Variants in LONRF2 observed in about 807,000 individuals in gnomAD.
The protein encoded by LONRF2 is LON peptidase N-terminal domain and ring finger 2.
LONRF2 carries 35 observed loss-of-function variants against 66.6 expected under a neutral mutation model. The observed-to-expected ratio is 0.53, with a 90% CI of 0.40 to 0.70. The LOEUF is 0.70. Ranked by LOEUF, LONRF2 falls within the 30% of genes least tolerant of loss-of-function variation. The pLI is 0.00. For missense variants in LONRF2, 902 were observed against 1,002.1 expected (o/e 0.90, Z 1.35); for synonymous variants, 417 against 418.1 (o/e 1.00, Z 0.03).
intron 1 of LONRF2, among the ~76,000 whole-genome samples, chr2:100,314,116 A>G (rs1430229055): frequency 1.3e-5 from 2 of 152,098 alleles, no homozygotes; most frequent in African/African-American, 4.8e-5. Flanking sequence ...TTTATCTAGT[A>G]TATACTCAAA....
At chr2:100,293,534 T>C (rs977314951) in intron 9 of LONRF2, among the ~76,000 whole-genome samples, 2 of 152,094 alleles carry the variant, frequency 1.3e-5, no homozygotes, top group Admixed American at 6.5e-5. Context: ...CATGACTATG[T>C]AGGGCTGACA....
intron 1 of LONRF2, among the ~76,000 whole-genome samples, chr2:100,315,395 C>T (rs1160164924): frequency 6.6e-6 from 1 of 152,094 alleles, no homozygotes; most frequent in Non-Finnish European, 1.5e-5. Flanking sequence ...CAAATAATGA[C>T]AGTTTTTTGT....
intron 1 of LONRF2, among the ~76,000 whole-genome samples, chr2:100,312,463 T>C (rs1401727552): frequency 6.6e-6 from 1 of 152,250 alleles, no homozygotes; most frequent in Non-Finnish European, 1.5e-5. Context: ...TTCCTTTGCT[T>C]ATACTATCTT....
intron 1 of LONRF2, 76 bp downstream of exon 1, chr2:100,321,339 C>T (rs1559184814): frequency 1.6e-6 from 2 of 1,254,886 alleles, no homozygotes; most frequent in Admixed American, 4.1e-5. Context: ...AGCCTCGGGC[C>T]CACCGGCCAG....
chr2:100,293,904 T>C (rs1260600646), intron 9 of LONRF2, among the ~76,000 whole-genome samples: 1 of 152,022 alleles, frequency 6.6e-6, no homozygotes, highest in East Asian at 1.9e-4. Flanking sequence ...CCTCAGAAGT[T>C]GGACTAGATT....
At position 100,279,559 on chromosome 2, in the gene LONRF2, T is replaced by C. The variant is rs931544615; in HGVS notation, c.*4739A>G. The C allele has an allele frequency of 6.6e-6, 1 of 152,146 alleles. No homozygotes were observed. Among genetic ancestry groups the C allele is most frequent in the African/African-American group, 2.4e-5 (1 of 41,426 alleles). The allele number at this position is 152,146 out of a possible 1,614,324, so 9.4% of individuals were successfully genotyped here. ...AGCAGAGGACCAATTGTATTAATCA[T>C]GATTTCTATATTTTATGATATTTTG... is the stretch of plus-strand genomic sequence containing the variant. On this transcript the variant is annotated 3_prime_UTR_variant, in exon 12 of 12. Transcript: ENST00000393437.
Position 100,321,397 on chromosome 2 carries a change from G to C in LONRF2, c.679+18C>G. The C allele has an allele frequency of 1.4e-6, 2 of 1,416,962 alleles. No homozygotes were observed. Among genetic ancestry groups the C allele is most frequent in the Non-Finnish European group, 1.8e-6 (2 of 1,096,034 alleles). The allele number at this position is 1,416,962 out of a possible 1,614,324, so 87.8% of individuals were successfully genotyped here. On this transcript the variant is annotated intron_variant, in intron 1 of 11. Transcript: ENST00000393437. ...GGACAGGTGTAGGGGAGGCGGACCC[G>C]CCCCGCAGCCGACTCACCCAGCTCC...
rs199898661 is a variant in LONRF2 at position 100,316,335 on chromosome 2, A to G, written c.679+5080T>C. Among the ~76,000 whole-genome samples the G allele has an allele frequency of 3.6e-3, 413 of 113,372 alleles. 3 individuals carry two copies. The highest frequency in any genetic ancestry group is 0.016 in the African/African-American group (378 of 23,328). The allele number at this position is 113,372 out of a possible 152,430, so 74.4% of individuals were successfully genotyped here. ...CTCCATCTCAAAAAAAAAAAAAAAA[A>G]AAAGAAAGAAAATTTTCTAATAATT... On this transcript the variant is annotated intron_variant, in intron 1 of 11. Transcript: ENST00000393437.
At chr2:100,289,125 G>A (rs996979721) in intron 10 of LONRF2, among the ~76,000 whole-genome samples, 2 of 152,050 alleles carry the variant, frequency 1.3e-5, no homozygotes, top group African/African-American at 2.4e-5. Flanking sequence ...TACCAACCTA[G>A]AGAACAGGGA....
At position 100,321,769 on chromosome 2, in the gene LONRF2, G is replaced by T; in HGVS notation, c.325C>A (p.Arg109Ser). ...AGGLVRAVGLRDRPLSAENPG... is the reference protein window; with the variant it reads ...AGGLVRAVGLSDRPLSAENPG... Reference sequence around the variant, plus strand: ...TTCTCCGCGGACAGCGGCCGGTCGCGCAGGCCCACGGCGCGCACCAGGCCG... The same window carrying T: ...TTCTCCGCGGACAGCGGCCGGTCGCTCAGGCCCACGGCGCGCACCAGGCCG... Residue 109 changes from arginine to serine, a missense_variant, in exon 1 of 12, where the codon CGC becomes AGC. Arg to Ser is a moderately radical substitution (Grantham distance 110). This residue lies in a region of LONRF2 where 585 missense variants were observed against 569.9 expected (regional missense o/e 1.03). Transcript: ENST00000393437. 9.6e-7 allele frequency: 1 copy of T among 1,036,276 alleles called. No individual in the cohort carries two copies. The highest frequency in any genetic ancestry group is 1.2e-6 in the Non-Finnish European group (1 of 865,928). 64.2% of individuals were successfully genotyped at this position (1,036,276 alleles called of 1,614,324 possible).
intron 1 of LONRF2, among the ~76,000 whole-genome samples, chr2:100,313,335 A>C (rs565248087): frequency 6.6e-6 from 1 of 152,258 alleles, no homozygotes; most frequent in African/African-American, 2.4e-5. Context: ...TCTCTACTAA[A>C]AGTAAAAAAA....
intron 7 of LONRF2, 44 bp downstream of exon 7, chr2:100,298,792 G>T: frequency 7.0e-7 from 1 of 1,424,318 alleles, no homozygotes; most frequent in Non-Finnish European, 9.9e-7. Context: ...TCCACCAAGG[G>T]ATGAGAGGAG....
intron 2 of LONRF2, among the ~76,000 whole-genome samples, chr2:100,308,707 C>T (rs1675345918): frequency 6.6e-6 from 1 of 152,142 alleles, no homozygotes; most frequent in Admixed American, 6.5e-5. Flanking sequence ...TCACCAATAG[C>T]ATTGATTTGT....
chr2:100,274,106 A>T lies in LONRF2; in HGVS notation c.*10192T>A, dbSNP rs1674549183. ...AAGGTTAGAGATACTCATGTTGCAA[A>T]CTCCATCTTCATCCTTCAAAGGTCA... On this transcript the variant is annotated 3_prime_UTR_variant, in exon 12 of 12. Coordinates refer to ENST00000393437, the MANE Select transcript of LONRF2 (RefSeq NM_198461.4). 1 of 152,128 alleles carries T rather than the reference A, an allele frequency of 6.6e-6. No homozygotes were observed. Among genetic ancestry groups the T allele is most frequent in the South Asian group, 2.1e-4 (1 of 4,818 alleles). 9.4% of individuals were successfully genotyped at this position (152,128 alleles called of 1,614,324 possible).
chr2:100,293,621 C>T (rs1256668181), intron 9 of LONRF2, among the ~76,000 whole-genome samples: 2 of 152,228 alleles, frequency 1.3e-5, no homozygotes, highest in African/African-American at 2.4e-5. Context: ...TTGCAACACC[C>T]TCTCTGGACA....
chr2:100,292,338 G>A (rs554716954), intron 9 of LONRF2, among the ~76,000 whole-genome samples: 6 of 152,142 alleles, frequency 3.9e-5, no homozygotes, highest in Non-Finnish European at 8.8e-5. Flanking sequence ...AACTCCCTTC[G>A]TGAGTGCAGC....
At position 100,282,297 on chromosome 2, in the gene LONRF2, A is replaced by G. The variant is rs1476063793; in HGVS notation, c.*2001T>C. 2 of 152,226 alleles carry G rather than the reference A, an allele frequency of 1.3e-5. No individual in the cohort carries two copies. Among genetic ancestry groups the G allele is most frequent in the Non-Finnish European group, 2.9e-5 (2 of 68,054 alleles). 9.4% of individuals were successfully genotyped at this position (152,226 alleles called of 1,614,324 possible). The stretch of plus-strand genomic sequence containing the variant: ...GAAAGCAACAGGTTCCAAGTATTAT[A>G]GCAAGCATACCAGCTTTACTTCAGG... On this transcript the variant is annotated 3_prime_UTR_variant, in exon 12 of 12. Coordinates refer to ENST00000393437, the MANE Select transcript of LONRF2 (RefSeq NM_198461.4).
chr2:100,289,214 G>A (rs558252688), intron 10 of LONRF2, among the ~76,000 whole-genome samples: 14 of 152,218 alleles, frequency 9.2e-5, no homozygotes, highest in African/African-American at 3.4e-4. Flanking sequence ...AACCAGTCAT[G>A]CTCATGCCTT....
chr2:100,288,115 TACA>T (rs1385537091), intron 10 of LONRF2, among the ~76,000 whole-genome samples: 3 of 152,332 alleles, frequency 2.0e-5, no homozygotes, highest in Admixed American at 1.3e-4. Flanking sequence ...AGCTGTCATC[TACA>T]ACAACGGTCA....
Sources: gnomAD v4.1 joint callset for allele counts (sites outside exome capture counted in the v4.1 genomes callset) on GRCh38, gnomAD v4.1.1 for gene constraint, gnomAD v4.1.1 regional missense constraint, MANE v1.5 for transcripts, NCBI Gene and HGNC (gene_info 2026-07-23, HGNC 2026-07-21) for gene names.